The following KLHL7 variants were observed in gnomAD, a reference collection of about 807,000 sequenced individuals.
KLHL7 encodes kelch like family member 7.
KLHL7 carries 44 observed loss-of-function variants against 67.4 expected under a neutral mutation model. The observed-to-expected ratio is 0.65, with a 90% CI of 0.51 to 0.84. KLHL7 has a LOEUF of 0.84. Among genes scored for constraint, KLHL7 ranks in the 40% least tolerant of loss-of-function variants. The probability of loss-of-function intolerance (pLI) is 0.00; values close to 1 mark genes in which losing one functional copy is unlikely to be tolerated. For missense variants in KLHL7, 362 were observed against 718.1 expected (o/e 0.50, Z 5.67); for synonymous variants, 252 against 243.3 (o/e 1.04, Z -0.33).
Position 23,174,187 on chromosome 7 carries a change from C to A in KLHL7, c.1650C>A (p.Thr550=), listed in dbSNP as rs142565112. Residue 550 remains threonine, a synonymous_variant, in exon 11 of 11, where the codon ACC becomes ACA. Transcript: ENST00000339077. ...GRLGHILEYN[T]ETDKWVANSK... ...TAGGACACATTCTCGAATATAATAC[C>A]GAAACAGACAAATGGGTTGCCAACT... 2 of 1,614,054 alleles carry A rather than the reference C, an allele frequency of 1.2e-6. No homozygotes were observed. Among genetic ancestry groups the A allele is most frequent in the South Asian group, 1.1e-5 (1 of 91,078 alleles).
intron 4 of KLHL7, chr7:23,125,791 CAG>C: frequency 6.5e-7 from 1 of 1,534,014 alleles, no homozygotes; most frequent in Non-Finnish European, 8.8e-7. Flanking sequence ...CAGAGCCTTC[CAG>C]AGTGTGGTAT....
chr7:23,148,166 T>C (rs1263346936), intron 6 of KLHL7, among the ~76,000 whole-genome samples: 3 of 152,196 alleles, frequency 2.0e-5, no homozygotes, highest in Non-Finnish European at 2.9e-5. Flanking sequence ...GAAAGAAATA[T>C]ATCCATACAA....
At chr7:23,147,143 G>A (rs575068362) in intron 6 of KLHL7, among the ~76,000 whole-genome samples, 2 of 148,548 alleles carry the variant, frequency 1.3e-5, no homozygotes, top group Admixed American at 1.3e-4. Context: ...AGGCTGGAGT[G>A]CAGTGGCATG....
intron 4 of KLHL7, among the ~76,000 whole-genome samples, chr7:23,125,422 G>A (rs192479166): frequency 2.2e-4 from 34 of 152,154 alleles, no homozygotes; most frequent in Non-Finnish European, 3.4e-4. Context: ...GGTTTTTCAC[G>A]GATCTAGGAC....
intron 7 of KLHL7, among the ~76,000 whole-genome samples, chr7:23,159,473 G>A (rs899640929): frequency 5.3e-5 from 8 of 152,078 alleles, no homozygotes; most frequent in Non-Finnish European, 8.8e-5. Context: ...GCCTGGCTGA[G>A]ATCTTTTTTT....
chr7:23,132,623 T>C (rs1227062109), intron 4 of KLHL7, among the ~76,000 whole-genome samples: 1 of 152,222 alleles, frequency 6.6e-6, no homozygotes, highest in Non-Finnish European at 1.5e-5. Context: ...TTGCATCCTT[T>C]ACTGTGCAGA....
At position 23,155,561 on chromosome 7, in the gene KLHL7, G is replaced by A. The variant is rs546446470; in HGVS notation, c.936+3352G>A. Reference sequence around the variant, plus strand: ...CGCCTGTAATCCCAGCTACTGGGGAGGCTGAGGCAGGATAATCGCTTGAAC... The same window carrying A: ...CGCCTGTAATCCCAGCTACTGGGGAAGCTGAGGCAGGATAATCGCTTGAAC... On this transcript the variant is annotated intron_variant, in intron 7 of 10. Coordinates refer to ENST00000339077, the MANE Select transcript of KLHL7 (RefSeq NM_001031710.3). Among the ~76,000 whole-genome samples, 276 of 152,078 alleles carry A rather than the reference G, an allele frequency of 1.8e-3. 2 individuals are homozygous for A. Among genetic ancestry groups the A allele is most frequent in the Non-Finnish European group, 2.9e-3 (194 of 67,972 alleles).
At chr7:23,125,549 T>C (rs1783536279) in intron 4 of KLHL7, among the ~76,000 whole-genome samples, 1 of 152,204 alleles carries the variant, frequency 6.6e-6, no homozygotes, top group Non-Finnish European at 1.5e-5. Flanking sequence ...TTAGGTAACT[T>C]GCCAGAGGTC....
chr7:23,126,153 A>G (rs1291239865), intron 4 of KLHL7: 1 of 405,536 alleles, frequency 2.5e-6, no homozygotes, highest in African/African-American at 2.0e-5. Context: ...CATAACCAGG[A>G]TGGTTTCTTA....
intron 7 of KLHL7, 88 bp downstream of exon 7, chr7:23,152,297 C>A: frequency 8.5e-7 from 1 of 1,180,296 alleles, no homozygotes; most frequent in Non-Finnish European, 1.3e-6. Context: ...AGTAATAACT[C>A]ATACCTTTAG....
intron 4 of KLHL7, 101 bp downstream of exon 4, chr7:23,125,273 T>C: frequency 8.1e-7 from 1 of 1,230,114 alleles, no homozygotes; most frequent in Non-Finnish European, 1.2e-6. Context: ...GCATTTAACC[T>C]TAAAGACATT....
At chr7:23,106,362 G>T in intron 1 of KLHL7, 2 of 1,398,716 alleles carry the variant, frequency 1.4e-6, no homozygotes, top group East Asian at 5.6e-5. Flanking sequence ...CGAGGATGTA[G>T]CTCCCAAGTC....
intron 6 of KLHL7, among the ~76,000 whole-genome samples, chr7:23,146,642 G>GTTCTTCTTC (rs763440560): frequency 2.7e-5 from 4 of 148,882 alleles, no homozygotes; most frequent in East Asian, 2.0e-4. Context: ...CACTTATAGA[G>GTTCTTCTTC]TTCTTCTTCT....
At chr7:23,106,405 G>T (rs1782641246) in intron 1 of KLHL7, 1 of 1,321,742 alleles carries the variant, frequency 7.6e-7, no homozygotes, top group Non-Finnish European at 9.7e-7. Context: ...GCTGGCTTTC[G>T]CCGTCGGGTA....
intron 1 of KLHL7, among the ~76,000 whole-genome samples, chr7:23,118,657 A>G (rs1360460570): frequency 1.3e-5 from 2 of 152,232 alleles, no homozygotes; most frequent in East Asian, 1.9e-4. Flanking sequence ...GAGGGAATAC[A>G]TTATGAGTGA....
chr7:23,160,212 G>A (rs1784820349), intron 7 of KLHL7, among the ~76,000 whole-genome samples: 1 of 152,192 alleles, frequency 6.6e-6, no homozygotes, highest in Non-Finnish European at 1.5e-5. Flanking sequence ...AAATTGCATG[G>A]CAAAGTTCAC....
At position 23,167,878 on chromosome 7, in the gene KLHL7, C is replaced by T; in HGVS notation, c.1220C>T (p.Thr407Ile). The T allele has an allele frequency of 6.2e-7, 1 of 1,614,204 alleles. No homozygotes were observed. The highest frequency in any genetic ancestry group is 8.5e-7 in the Non-Finnish European group (1 of 1,180,046). ...LYLFECYDTR[T>I]ESWHTKPSML... Reference sequence around the variant, plus strand: ...TTATTTGAGTGCTATGATACGAGAACTGAAAGCTGGCACACAAAGCCCAGC... The same window carrying T: ...TTATTTGAGTGCTATGATACGAGAATTGAAAGCTGGCACACAAAGCCCAGC... The change falls in exon 9 of 11, where the codon ACT (threonine) becomes ATT (isoleucine). Residue 407 changes from threonine (T) to isoleucine (I), a missense_variant. Thr to Ile is a moderately conservative substitution (Grantham distance 89). This residue lies in a region of KLHL7 where 136 missense variants were observed against 252.7 expected (regional missense o/e 0.54). Coordinates refer to ENST00000339077, the MANE Select transcript of KLHL7 (RefSeq NM_001031710.3).
At position 23,158,588 on chromosome 7, in the gene KLHL7, A is replaced by G. The variant is rs145416450; in HGVS notation, c.936+6379A>G. 2.7e-3 allele frequency among the ~76,000 whole-genome samples: 414 copies of G among 152,326 alleles called. 2 individuals carry two copies. Among genetic ancestry groups the G allele is most frequent in the African/African-American group, 9.1e-3 (378 of 41,568 alleles). On this transcript the variant is annotated intron_variant, in intron 7 of 10. Coordinates refer to ENST00000339077, the MANE Select transcript of KLHL7 (RefSeq NM_001031710.3). Reference sequence around the variant, plus strand: ...TGTTACTAACAACAGAGTGTGTTGTATGGTTAGCTGGTTGTAAAAGTATGT... The same window carrying G: ...TGTTACTAACAACAGAGTGTGTTGTGTGGTTAGCTGGTTGTAAAAGTATGT...
In KLHL7 at chr7:23,171,056, C is replaced by T. The variant is rs1051469693; in HGVS notation, c.1380-1892C>T. The T allele has an allele frequency of 7.1e-5, 12 of 169,016 alleles. No homozygotes were observed. In the South Asian group the frequency reaches 1.2e-3, roughly 17 times the overall value. 10.5% of individuals were successfully genotyped at this position (169,016 alleles called of 1,614,324 possible). A position where few individuals can be genotyped will look rare whatever the true frequency, so the allele number is the denominator to read the frequency against. The stretch of plus-strand genomic sequence containing the variant: ...CTGAGTAGCTGGGATTACAGGCGCA[C>T]GCCACCACACGGGCTAATTTTTGTA... On this transcript the variant is annotated intron_variant, in intron 9 of 10. Coordinates refer to ENST00000339077, the MANE Select transcript of KLHL7 (RefSeq NM_001031710.3).
Sources: allele counts gnomAD v4.1 joint callset (sites outside exome capture counted in the v4.1 genomes callset), GRCh38; gene constraint gnomAD v4.1.1; regional missense constraint gnomAD v4.1.1; transcripts MANE v1.5; gene names NCBI Gene and HGNC (gene_info 2026-07-23, HGNC 2026-07-21).